Variants in SLC1A4 observed in about 807,000 individuals in gnomAD.
SLC1A4 encodes neutral amino acid transporter A.
SLC1A4 carries 19 observed loss-of-function variants against 37.7 expected under a neutral mutation model. The ratio of observed to expected loss-of-function variants is 0.50; its 90% CI spans 0.35 to 0.74. The LOEUF (loss-of-function observed/expected upper bound fraction) is 0.74. SLC1A4 is among the 30% of genes least tolerant of loss of function. The probability of loss-of-function intolerance (pLI) is 0.01; values close to 1 mark genes in which losing one functional copy is unlikely to be tolerated. For missense variants in SLC1A4, 570 were observed against 712.9 expected (o/e 0.80, Z 2.28); for synonymous variants, 299 against 309.8 (o/e 0.97, Z 0.37).
chr2:64,992,883 G>A (rs761019383), intron 1 of SLC1A4, among the ~76,000 whole-genome samples: 2 of 152,214 alleles, frequency 1.3e-5, no homozygotes, highest in Non-Finnish European at 1.5e-5. Flanking sequence ...TGTGTGCACC[G>A]CTGAGGTTTG....
rs1175249654 is a variant in SLC1A4, at chr2:65,023,574, T to G, written c.*2428T>G. ...CTGCAGTAAGAAGCGTGTCTGGGTC[T>G]GGAGAAGGGTGCTTCCGAGAGTGTG... On this transcript the variant is annotated 3_prime_UTR_variant, in exon 8 of 8. Coordinates refer to ENST00000234256, the MANE Select transcript of SLC1A4 (RefSeq NM_003038.5). The G allele has an allele frequency of 6.6e-6, 1 of 152,630 alleles. No homozygotes were observed. The highest frequency in any genetic ancestry group is 1.5e-5 in the Non-Finnish European group (1 of 68,104). 9.5% of individuals were successfully genotyped at this position (152,630 alleles called of 1,614,324 possible).
At chr2:64,992,446 T>C (rs1252436263) in intron 1 of SLC1A4, among the ~76,000 whole-genome samples, 1 of 152,220 alleles carries the variant, frequency 6.6e-6, no homozygotes, top group Non-Finnish European at 1.5e-5. Context: ...CATGGAGGGC[T>C]AAGAGAGGCT....
intron 5 of SLC1A4, among the ~76,000 whole-genome samples, chr2:65,017,038 T>A (rs148207906): frequency 3.0e-4 from 46 of 152,330 alleles, no homozygotes; most frequent in African/African-American, 1.1e-3. Flanking sequence ...TGAAGTTACC[T>A]CATTCTCTTC....
chr2:65,012,116 G>A (rs1025559989), intron 4 of SLC1A4, among the ~76,000 whole-genome samples: 3 of 150,378 alleles, frequency 2.0e-5, no homozygotes, highest in Admixed American at 6.7e-5. Flanking sequence ...TTGAGACAGG[G>A]TCTTGCTCTG....
intron 1 of SLC1A4, among the ~76,000 whole-genome samples, chr2:64,999,031 A>T (rs1673368666): frequency 6.6e-6 from 1 of 152,238 alleles, no homozygotes; most frequent in Non-Finnish European, 1.5e-5. Flanking sequence ...GCTGCTTCTG[A>T]CTAGGGCAGA....
At chr2:64,992,368 T>C (rs1673090630) in intron 1 of SLC1A4, among the ~76,000 whole-genome samples, 2 of 152,222 alleles carry the variant, frequency 1.3e-5, no homozygotes, top group East Asian at 1.9e-4. Context: ...GCTTCTGACA[T>C]GGATGGTGAC....
intron 1 of SLC1A4, among the ~76,000 whole-genome samples, chr2:64,995,085 A>T (rs535857166): frequency 3.9e-4 from 60 of 152,162 alleles, no homozygotes; most frequent in Middle Eastern, 3.4e-3. Context: ...AATTTTTTTT[A>T]AAAAAAGGTT....
chr2:65,018,097 A>G lies in SLC1A4; in HGVS notation c.1061A>G (p.Lys354Arg). Residue 354 changes from lysine to arginine, a missense_variant, in exon 6 of 8, where the codon AAG (lysine) becomes AGG (arginine). By Grantham distance (26) the Lys-to-Arg change is conservative. Transcript: ENST00000234256. The surrounding 1 kb of genome is among the most constrained non-coding windows in gnomAD (Gnocchi z 4.3). ...TCAGCGACCCTTCCCTCTATGATGA[A>G]GTGCATTGAAGAGAACAATGGTGTG... The part of the protein sequence containing the change: ...SSSATLPSMM[K>R]CIEENNGVDK... 6.2e-7 allele frequency: 1 copy of G among 1,613,916 alleles called. No individual in the cohort carries two copies. The highest frequency in any genetic ancestry group is 1.1e-5 in the South Asian group (1 of 91,064).
chr2:65,004,058 C>T (rs1673581116), intron 3 of SLC1A4, 43 bp downstream of exon 3: 1 of 1,492,624 alleles, frequency 6.7e-7, no homozygotes, highest in East Asian at 2.3e-5. Flanking sequence ...ATGTCTAAAA[C>T]AAATCTTATT....
chr2:64,999,148 G>A (rs777069091), intron 1 of SLC1A4, among the ~76,000 whole-genome samples: 8 of 152,170 alleles, frequency 5.3e-5, no homozygotes, highest in South Asian at 2.1e-4. Context: ...TCTATACTCC[G>A]AAAACTAGCC....
At chr2:64,994,644 T>A (rs1383062973) in intron 1 of SLC1A4, 1 of 151,886 alleles carries the variant, frequency 6.6e-6, no homozygotes, top group Non-Finnish European at 1.5e-5. Context: ...CAAGGACTGG[T>A]GTGAATATGT....
In SLC1A4 at chr2:64,989,841, C is replaced by T; in HGVS notation, c.198C>T (p.Ser66=). ...TGGGCGCGGCGTTGCGCGGGCTCAG[C>T]CTGAGCCGCACGCAGGTCACCTACC... ...AGLGAALRGL[S]LSRTQVTYLA... The change falls in exon 1 of 8, where the codon AGC becomes AGT. Residue 66 remains serine (S), a synonymous_variant. Transcript: ENST00000234256. 1 of 1,538,316 alleles carries T rather than the reference C, an allele frequency of 6.5e-7. No homozygotes were observed.
chr2:65,021,380 A>G lies in SLC1A4; in HGVS notation c.*234A>G, dbSNP rs1358454216. 1 of 554,694 alleles carries G rather than the reference A, an allele frequency of 1.8e-6. No individual in the cohort carries two copies. Among genetic ancestry groups the G allele is most frequent in the Non-Finnish European group, 3.2e-6 (1 of 309,888 alleles). 34.4% of individuals were successfully genotyped at this position (554,694 alleles called of 1,614,324 possible). A position where few individuals can be genotyped will look rare whatever the true frequency, so the allele number is the denominator to read the frequency against. The stretch of plus-strand genomic sequence containing the variant: ...TCGGCTTGATCCATGTCCAGGTGCA[A>G]CTGTGTGTACACCAGGGATCTGTTT... On this transcript the variant is annotated 3_prime_UTR_variant, in exon 8 of 8. Transcript: ENST00000234256.
intron 4 of SLC1A4, among the ~76,000 whole-genome samples, chr2:65,013,265 CA>C (rs1423915441): frequency 1.3e-5 from 2 of 152,184 alleles, no homozygotes; most frequent in Admixed American, 1.3e-4. Flanking sequence ...TCTTGTTGCC[CA>C]GGCTGCAGTG....
At chr2:65,019,412 C>T (rs1318537299) in intron 7 of SLC1A4, among the ~76,000 whole-genome samples, 1 of 152,118 alleles carries the variant, frequency 6.6e-6, no homozygotes, top group Non-Finnish European at 1.5e-5. Flanking sequence ...GTGCTTTGGT[C>T]TGCTCATCTG....
Position 65,018,195 on chromosome 2 carries a change from T to C in SLC1A4, c.1159T>C (p.Cys387Arg). 6.2e-7 allele frequency: 1 copy of C among 1,614,030 alleles called. No individual in the cohort carries two copies. Among genetic ancestry groups the C allele is most frequent in the Non-Finnish European group, 8.5e-7 (1 of 1,179,982 alleles). ...CATGGACGGAGCAGCCATCTTCCAG[T>C]GTGTGGCCGCGGTGTTCATTGCGCA... ...VNMDGAAIFQCVAAVFIAQLN... is the reference protein window; with the variant it reads ...VNMDGAAIFQRVAAVFIAQLN... Residue 387 changes from cysteine (C) to arginine (R), a missense_variant, in exon 6 of 8, where the codon TGT becomes CGT. Physicochemically the swap from Cys to Arg is radical, Grantham distance 180. Coordinates refer to ENST00000234256, the MANE Select transcript of SLC1A4 (RefSeq NM_003038.5). The surrounding 1 kb of genome is among the most constrained non-coding windows in gnomAD (Gnocchi z 4.3).
chr2:65,000,094 A>C (rs1021364509), intron 1 of SLC1A4: 1 of 152,200 alleles, frequency 6.6e-6, no homozygotes, highest in African/African-American at 2.4e-5. Flanking sequence ...AGTAAGAATT[A>C]GTGGATAAGT....
rs1459964813 is a variant in SLC1A4, at chr2:65,018,101, C to T, written c.1065C>T (p.Cys355=). Residue 355 remains cysteine, a synonymous_variant, in exon 6 of 8, where the codon TGC becomes TGT. Transcript: ENST00000234256. This position sits in a 1 kb window ranked among gnomAD's most constrained non-coding sequence, Gnocchi z 4.3. The part of the protein sequence containing the change: ...SSATLPSMMK[C]IEENNGVDKR... The stretch of plus-strand genomic sequence containing the variant: ...CGACCCTTCCCTCTATGATGAAGTG[C>T]ATTGAAGAGAACAATGGTGTGGACA... The T allele has an allele frequency of 4.3e-6, 7 of 1,614,136 alleles. No homozygotes were observed. Among genetic ancestry groups the T allele is most frequent in the Non-Finnish European group, 5.9e-6 (7 of 1,180,018 alleles).
At position 65,022,368 on chromosome 2, in the gene SLC1A4, G is replaced by A. The variant is rs1674460779; in HGVS notation, c.*1222G>A. ...ATCTGAGAGCGTGCTGTTTGTGGCT[G>A]TTGATGCATATTCGTGATGTAACAG... On this transcript the variant is annotated 3_prime_UTR_variant, in exon 8 of 8. Transcript: ENST00000234256. 6.6e-6 allele frequency: 1 copy of A among 152,272 alleles called. No homozygotes were observed. The highest frequency in any genetic ancestry group is 2.4e-5 in the African/African-American group (1 of 41,452). 9.4% of individuals were successfully genotyped at this position (152,272 alleles called of 1,614,324 possible). A position where few individuals can be genotyped will look rare whatever the true frequency, so the allele number is the denominator to read the frequency against.
Sources: gnomAD v4.1 joint callset for allele counts (sites outside exome capture counted in the v4.1 genomes callset) on GRCh38, gnomAD v4.1.1 for gene constraint, Gnocchi (gnomAD v3.1) non-coding constraint, MANE v1.5 for transcripts, NCBI Gene and HGNC (gene_info 2026-07-23, HGNC 2026-07-21) for gene names.